Variants in ELAVL3 observed in about 807,000 individuals in gnomAD.
The protein encoded by ELAVL3 is ELAV like RNA binding protein 3, also known as ELAV-like protein 3.
In ELAVL3, 8 loss-of-function variants were observed where a neutral mutation model predicts 34.2. That is an observed-to-expected ratio of 0.23 (90% confidence interval 0.14 to 0.42). ELAVL3 has a LOEUF of 0.42. Ranked by LOEUF, ELAVL3 falls within the 10% of genes least tolerant of loss-of-function variation. The pLI, the probability that ELAVL3 is intolerant of heterozygous loss-of-function variation, is 1.00. For synonymous variants in ELAVL3, 209 were observed against 222.1 expected (o/e 0.94, Z 0.53); for missense variants, 273 against 518.8 (o/e 0.53, Z 4.60).
At position 11,474,035 on chromosome 19, in the gene ELAVL3, T is replaced by TTTA. The variant is rs1971217235; in HGVS notation, c.9+6562_9+6564dup. The stretch of plus-strand genomic sequence containing the variant: ...CGTACCTCATAATACACCTACATTA[T>TTTA]TTATTATTATTATTAGAGACGGGGT... On this transcript the variant is annotated intron_variant, in intron 1 of 6. Coordinates refer to ENST00000359227, the MANE Select transcript of ELAVL3 (RefSeq NM_001420.4). 2.0e-5 allele frequency among the ~76,000 whole-genome samples: 3 copies of TTTA among 152,136 alleles called. No homozygotes were observed. The South Asian group carries it at 6.2e-4, about 32-fold the overall frequency.
chr19:11,473,644 C>T (rs1971209850), intron 1 of ELAVL3, among the ~76,000 whole-genome samples: 1 of 152,156 alleles, frequency 6.6e-6, no homozygotes, highest in Non-Finnish European at 1.5e-5. Flanking sequence ...TTTTCCTCCC[C>T]CACTTCACCC....
chr19:11,455,575 C>G (rs1970751633), intron 6 of ELAVL3, among the ~76,000 whole-genome samples: 1 of 151,982 alleles, frequency 6.6e-6, no homozygotes, highest in African/African-American at 2.4e-5. Context: ...GCATGAGCCA[C>G]CGCACCCAGC....
chr19:11,458,285 A>T lies in ELAVL3; in HGVS notation c.489T>A (p.Gly163=). ...GGATGAATCCCACACCCCGAGAGAC[A>T]CCTGCCAGGGGGCAGGGATGTCCAT... ...TSRILVDQVT[G]VSRGVGFIRF... Residue 163 remains glycine, a splice_region_variant and synonymous_variant, in exon 5 of 7, where the codon GGT becomes GGA. Coordinates refer to ENST00000359227, the MANE Select transcript of ELAVL3 (RefSeq NM_001420.4). This position sits in a 1 kb window ranked among gnomAD's most constrained non-coding sequence, Gnocchi z 7.3. 6.2e-7 allele frequency: 1 copy of T among 1,613,466 alleles called. No homozygotes were observed. Among genetic ancestry groups the T allele is most frequent in the Non-Finnish European group, 8.5e-7 (1 of 1,179,912 alleles).
At chr19:11,474,683 C>A (rs1971230678) in intron 1 of ELAVL3, among the ~76,000 whole-genome samples, 1 of 152,112 alleles carries the variant, frequency 6.6e-6, no homozygotes, top group South Asian at 2.1e-4. Context: ...CTATGTTGTC[C>A]AGCCTGGAGT....
intron 1 of ELAVL3, among the ~76,000 whole-genome samples, chr19:11,473,871 C>T (rs145896527): frequency 3.2e-4 from 49 of 152,286 alleles, no homozygotes; most frequent in Non-Finnish European, 5.9e-4. Context: ...CTCCATTTTG[C>T]TGCAAACTCC....
chr19:11,466,591 A>C lies in ELAVL3; in HGVS notation c.229+17T>G. The C allele has an allele frequency of 6.2e-7, 1 of 1,612,676 alleles. No homozygotes were observed. The highest frequency in any genetic ancestry group is 8.5e-7 in the Non-Finnish European group (1 of 1,179,654). ...GGCTACCACCTCTGTTCCTCCCCGC[A>C]ACTCCAGCAGCCACACCTGTGATCT... is the stretch of plus-strand genomic sequence containing the variant. On this transcript the variant is annotated intron_variant, in intron 2 of 6. Transcript: ENST00000359227. This position sits in a 1 kb window ranked among gnomAD's most constrained non-coding sequence, Gnocchi z 5.0.
At chr19:11,455,693 A>G (rs1970754594) in intron 6 of ELAVL3, among the ~76,000 whole-genome samples, 1 of 152,146 alleles carries the variant, frequency 6.6e-6, no homozygotes, top group Non-Finnish European at 1.5e-5. Context: ...TTGGAGTTCC[A>G]AAGTGCTGAA....
At chr19:11,460,169 C>T (rs1351694254) in intron 3 of ELAVL3, among the ~76,000 whole-genome samples, 1 of 152,146 alleles carries the variant, frequency 6.6e-6, no homozygotes, top group African/African-American at 2.4e-5. Context: ...TCAGGTTGTT[C>T]TCGACACCTG....
At position 11,457,142 on chromosome 19, in the gene ELAVL3, G is replaced by A. The variant is rs753861124; in HGVS notation, c.720C>T (p.Asp240=). Residue 240 remains aspartate, a synonymous_variant, in exon 6 of 7, where the codon GAC becomes GAT. Coordinates refer to ENST00000359227, the MANE Select transcript of ELAVL3 (RefSeq NM_001420.4). The part of the protein sequence containing the change: ...LHHQTQRFRL[D]NLLNMAYGVK... The stretch of plus-strand genomic sequence containing the variant: ...CGCCGTAGGCCATGTTGAGCAAATT[G>A]TCCAGCCTGTGGAGGCAGAGGTGGT... 2 of 1,550,106 alleles carry A rather than the reference G, an allele frequency of 1.3e-6. No individual in the cohort carries two copies.
In ELAVL3 at chr19:11,454,412, G is replaced by A. The variant is rs547037629; in HGVS notation, c.*114C>T. ...CGCAGGGACGTGGGGCCCTCGCGTCGTCCGTGGGGCTGCCTGTGCTGTCTC... is the reference window on the plus strand; with the variant it reads ...CGCAGGGACGTGGGGCCCTCGCGTCATCCGTGGGGCTGCCTGTGCTGTCTC... On this transcript the variant is annotated 3_prime_UTR_variant, in exon 7 of 7. Transcript: ENST00000359227. The surrounding 1 kb of genome is among the most constrained non-coding windows in gnomAD (Gnocchi z 9.2). The A allele has an allele frequency of 7.7e-5, 84 of 1,083,894 alleles. No homozygotes were observed. In the East Asian group the frequency reaches 1.8e-3, roughly 23 times the overall value. The allele number at this position is 1,083,894 out of a possible 1,614,324, so 67.1% of individuals were successfully genotyped here. A position where few individuals can be genotyped will look rare whatever the true frequency, so the allele number is the denominator to read the frequency against.
chr19:11,461,809 C>A (rs2144886018), intron 3 of ELAVL3, among the ~76,000 whole-genome samples: 1 of 152,228 alleles, frequency 6.6e-6, no homozygotes, highest in Non-Finnish European at 1.5e-5. Flanking sequence ...AGATAGGGGT[C>A]ATTGTCTTCT....
chr19:11,480,739 G>T lies in ELAVL3; in HGVS notation c.-131C>A. 2 of 883,714 alleles carry T rather than the reference G, an allele frequency of 2.3e-6. No individual in the cohort carries two copies. Among genetic ancestry groups the T allele is most frequent in the Non-Finnish European group, 3.1e-6 (2 of 637,590 alleles). 54.7% of individuals were successfully genotyped at this position (883,714 alleles called of 1,614,324 possible). A position where few individuals can be genotyped will look rare whatever the true frequency, so the allele number is the denominator to read the frequency against. On this transcript the variant is annotated 5_prime_UTR_variant, in exon 1 of 7. Coordinates refer to ENST00000359227, the MANE Select transcript of ELAVL3 (RefSeq NM_001420.4). The surrounding 1 kb of genome is among the most constrained non-coding windows in gnomAD (Gnocchi z 6.8). ...CTGGTGCGGCCGCTGCAGATGTGGC[G>T]ATGAAGGCGGCGGCTCCCTCGAGGG...
chr19:11,455,893 C>T (rs1167673184), intron 6 of ELAVL3, among the ~76,000 whole-genome samples: 5 of 152,158 alleles, frequency 3.3e-5, no homozygotes, highest in South Asian at 2.1e-4. Context: ...CTGGCAATCC[C>T]GCCCTTGGAT....
At chr19:11,477,013 C>A (rs559808895) in intron 1 of ELAVL3, among the ~76,000 whole-genome samples, 1 of 152,276 alleles carries the variant, frequency 6.6e-6, no homozygotes, top group Admixed American at 6.5e-5. Flanking sequence ...AAAATAATAA[C>A]AGCAAAGCGA....
chr19:11,472,323 G>T (rs1040161716), intron 1 of ELAVL3, among the ~76,000 whole-genome samples: 7 of 152,152 alleles, frequency 4.6e-5, no homozygotes, highest in African/African-American at 1.7e-4. Flanking sequence ...TCCAGCCTGG[G>T]CGAGAGCAAG....
At position 11,466,555 on chromosome 19, in the gene ELAVL3, T is replaced by C; in HGVS notation, c.229+53A>G. 6.3e-7 allele frequency: 1 copy of C among 1,592,406 alleles called. No homozygotes were observed. The highest frequency in any genetic ancestry group is 1.1e-5 in the South Asian group (1 of 90,124). ...GGGTCCCACCTGCCCCCATCACCTC[T>C]GTATTTCTGAGGCTACCACCTCTGT... On this transcript the variant is annotated intron_variant, in intron 2 of 6. Coordinates refer to ENST00000359227, the MANE Select transcript of ELAVL3 (RefSeq NM_001420.4). The surrounding 1 kb of genome is among the most constrained non-coding windows in gnomAD (Gnocchi z 5.0).
intron 1 of ELAVL3, among the ~76,000 whole-genome samples, chr19:11,471,023 T>A (rs949503753): frequency 1.3e-5 from 2 of 152,134 alleles, no homozygotes; most frequent in Admixed American, 6.5e-5. Flanking sequence ...TTTTTAAAAA[T>A]TTTTTTGGGC....
At chr19:11,478,047 G>A (rs914377003) in intron 1 of ELAVL3, among the ~76,000 whole-genome samples, 1 of 152,152 alleles carries the variant, frequency 6.6e-6, no homozygotes, top group African/African-American at 2.4e-5. Flanking sequence ...CACAACCACA[G>A]TGAATGGTAT....
At position 11,452,183 on chromosome 19, in the gene ELAVL3, CG is replaced by C. The variant is rs1275067123; in HGVS notation, c.*2342del. On this transcript the variant is annotated 3_prime_UTR_variant, in exon 7 of 7. Transcript: ENST00000359227. Reference sequence around the variant, plus strand: ...GACTGTCCCGCAGAGCACACGCCCCCGCGTGCCACTCGGCTACCATTACTGT... The same window carrying C: ...GACTGTCCCGCAGAGCACACGCCCCCCGTGCCACTCGGCTACCATTACTGT... The C allele has an allele frequency of 6.6e-6, 1 of 152,222 alleles. No homozygotes were observed. The highest frequency in any genetic ancestry group is 2.4e-5 in the African/African-American group (1 of 41,460). 9.4% of individuals were successfully genotyped at this position (152,222 alleles called of 1,614,324 possible). A position where few individuals can be genotyped will look rare whatever the true frequency, so the allele number is the denominator to read the frequency against.
Sources: gnomAD v4.1 joint callset for allele counts (sites outside exome capture counted in the v4.1 genomes callset) on GRCh38, gnomAD v4.1.1 for gene constraint, Gnocchi (gnomAD v3.1) non-coding constraint, MANE v1.5 for transcripts, NCBI Gene and HGNC (gene_info 2026-07-23, HGNC 2026-07-21) for gene names.